PID1: variants seen among roughly 807,000 people sequenced by gnomAD.
The protein encoded by PID1 is PTB-containing, cubilin and LRP1-interacting protein.
A neutral mutation model predicts 19.1 loss-of-function variants in PID1; 10 were observed. The observed-to-expected ratio is 0.52, with a 90% CI of 0.32 to 0.89. The LOEUF is 0.89. Among genes scored for constraint, PID1 ranks in the 40% least tolerant of loss-of-function variants. The probability of loss-of-function intolerance (pLI) is 0.03; values close to 1 mark genes in which losing one functional copy is unlikely to be tolerated. For missense variants in PID1, 248 were observed against 285.3 expected (o/e 0.87, Z 0.94); for synonymous variants, 130 against 116.0 (o/e 1.12, Z -0.78).
chr2:229,205,272 AACAC>A (rs1310715060), intron 1 of PID1, among the ~76,000 whole-genome samples: 1 of 151,608 alleles, frequency 6.6e-6, no homozygotes, highest in Non-Finnish European at 1.5e-5. Flanking sequence ...TACACACACA[AACAC>A]ACACATACTA....
chr2:229,140,758 A>G (rs1263429641), intron 2 of PID1, among the ~76,000 whole-genome samples: 2 of 152,144 alleles, frequency 1.3e-5, no homozygotes, highest in African/African-American at 4.8e-5. Context: ...TCATGCCAAC[A>G]TTTCTACTTT....
At chr2:229,250,064 G>A (rs1647369845) in intron 1 of PID1, among the ~76,000 whole-genome samples, 2 of 152,324 alleles carry the variant, frequency 1.3e-5, no homozygotes, top group African/African-American at 4.8e-5. Flanking sequence ...ACTACAGAAA[G>A]TGAAGGGAAA....
At chr2:229,238,757 G>T (rs1559298833) in intron 1 of PID1, among the ~76,000 whole-genome samples, 1 of 152,028 alleles carries the variant, frequency 6.6e-6, no homozygotes, top group East Asian at 1.9e-4. Context: ...GCATTACCAG[G>T]CATCTCAGAG....
chr2:229,219,107 T>G (rs1691910451), intron 1 of PID1, among the ~76,000 whole-genome samples: 1 of 152,184 alleles, frequency 6.6e-6, no homozygotes, highest in Non-Finnish European at 1.5e-5. Context: ...TGGGCAAGAC[T>G]CTACAAATTA....
In PID1 at chr2:229,193,082, T is replaced by A. The variant is rs146372130; in HGVS notation, c.31-37118A>T. 1.9e-3 allele frequency among the ~76,000 whole-genome samples: 286 copies of A among 152,312 alleles called. 2 individuals carry two copies. Among genetic ancestry groups the A allele is most frequent in the South Asian group, 4.8e-3 (23 of 4,828 alleles). On this transcript the variant is annotated intron_variant, in intron 1 of 2. Coordinates refer to ENST00000392055, the MANE Select transcript of PID1 (RefSeq NM_001100818.2). ...GCTTAAAGCAGCATCCTTATTTTAC[T>A]CTATCTTGTGATTTAATGGATCAGG...
rs193140724 is a variant in PID1 at position 229,264,302 on chromosome 2, C to T, written c.30+6712G>A. Among the ~76,000 whole-genome samples, 47 of 152,276 alleles carry T rather than the reference C, an allele frequency of 3.1e-4. No homozygotes were observed. The East Asian group carries it at 8.3e-3, about 27-fold the overall frequency. ...CCAATAGTCAACTTCAGCACGACTT[C>T]CCTTACTACATTTATAACATGAGAG... On this transcript the variant is annotated intron_variant, in intron 1 of 2. Transcript: ENST00000392055.
chr2:229,039,792 T>G (rs1041977259), intron 2 of PID1, among the ~76,000 whole-genome samples: 1 of 152,198 alleles, frequency 6.6e-6, no homozygotes, highest in Non-Finnish European at 1.5e-5. Context: ...ACTCATATAT[T>G]GATGGTTGGA....
intron 2 of PID1, among the ~76,000 whole-genome samples, chr2:229,155,589 A>C (rs1467282639): frequency 1.3e-5 from 2 of 151,822 alleles, no homozygotes; most frequent in Admixed American, 6.6e-5. Context: ...AAACAAAAAC[A>C]AAAAAACCCT....
chr2:229,214,603 T>C (rs1691806433), intron 1 of PID1, among the ~76,000 whole-genome samples: 1 of 152,212 alleles, frequency 6.6e-6, no homozygotes, highest in South Asian at 2.1e-4. Context: ...TTAGTTTTCT[T>C]TTCACTAACT....
intron 1 of PID1, among the ~76,000 whole-genome samples, chr2:229,237,099 A>G (rs1199503701): frequency 6.6e-6 from 1 of 152,118 alleles, no homozygotes; most frequent in African/African-American, 2.4e-5. Context: ...AAGAAATTAA[A>G]ACAAACAGAG....
chr2:229,258,799 T>C (rs1169365640), intron 1 of PID1, among the ~76,000 whole-genome samples: 2 of 148,978 alleles, frequency 1.3e-5, no homozygotes, highest in Non-Finnish European at 3.0e-5. Flanking sequence ...GAGGCGGAGC[T>C]TGCAGTGAGC....
chr2:229,075,174 C>T (rs1180757262), intron 2 of PID1, among the ~76,000 whole-genome samples: 7 of 152,028 alleles, frequency 4.6e-5, no homozygotes, highest in Non-Finnish European at 8.8e-5. Flanking sequence ...ATTTCATGTA[C>T]GAGGAACGTA....
intron 2 of PID1, among the ~76,000 whole-genome samples, chr2:229,026,865 A>C (rs562608906): frequency 6.6e-6 from 1 of 152,316 alleles, no homozygotes; most frequent in East Asian, 1.9e-4. Flanking sequence ...AACGATTCAA[A>C]TACTGTCTTT....
At chr2:229,259,055 T>C (rs1338270067) in intron 1 of PID1, among the ~76,000 whole-genome samples, 1 of 138,030 alleles carries the variant, frequency 7.2e-6, no homozygotes, top group Non-Finnish European at 1.6e-5. Context: ...AGCAAGGTCG[T>C]AGTTTTTTTT....
At chr2:229,039,993 TC>T (rs1299653114) in intron 2 of PID1, among the ~76,000 whole-genome samples, 2 of 152,080 alleles carry the variant, frequency 1.3e-5, no homozygotes, top group African/African-American at 4.8e-5. Flanking sequence ...ATCTAAATGC[TC>T]ATACCAAATA....
chr2:229,176,530 C>A (rs1690827955), intron 1 of PID1, among the ~76,000 whole-genome samples: 1 of 152,224 alleles, frequency 6.6e-6, no homozygotes, highest in Non-Finnish European at 1.5e-5. Context: ...AATACAAGAT[C>A]TTTTCCTATA....
chr2:229,054,393 C>T (rs1169753741), intron 2 of PID1, among the ~76,000 whole-genome samples: 1 of 151,996 alleles, frequency 6.6e-6, no homozygotes, highest in Non-Finnish European at 1.5e-5. Context: ...AAGCGATTAC[C>T]AAAGGACCAG....
chr2:229,063,703 C>A (rs1305243941), intron 2 of PID1, among the ~76,000 whole-genome samples: 1 of 151,950 alleles, frequency 6.6e-6, no homozygotes, highest in Non-Finnish European at 1.5e-5. Flanking sequence ...GATGATCTAT[C>A]CATTGCTGAA....
At chr2:229,225,120 G>C (rs1692050837) in intron 1 of PID1, among the ~76,000 whole-genome samples, 1 of 152,122 alleles carries the variant, frequency 6.6e-6, no homozygotes, top group Admixed American at 6.6e-5. Context: ...ATAAAGGTAA[G>C]AGCTTGGACT....
Sources: gnomAD v4.1 joint callset for allele counts (sites outside exome capture counted in the v4.1 genomes callset) on GRCh38, gnomAD v4.1.1 for gene constraint, MANE v1.5 for transcripts, NCBI Gene and HGNC (gene_info 2026-07-23, HGNC 2026-07-21) for gene names.